Variants in PTN observed in about 807,000 individuals in gnomAD.
PTN encodes the protein pleiotrophin.
In PTN, 18 loss-of-function variants were observed where a neutral mutation model predicts 24.1. The observed-to-expected ratio is 0.75, with a 90% CI of 0.52 to 1.11. The LOEUF (loss-of-function observed/expected upper bound fraction) is 1.11, where lower values mean the gene tolerates loss of function less well. Among genes scored for constraint, PTN ranks in the 50% least tolerant of loss-of-function variants. The pLI is 0.00. For missense variants in PTN, 163 were observed against 198.8 expected (o/e 0.82, Z 1.08); for synonymous variants, 78 against 68.6 (o/e 1.14, Z -0.67).
intron 4 of PTN, among the ~76,000 whole-genome samples, chr7:137,243,459 A>G (rs1808668067): frequency 6.6e-6 from 1 of 152,154 alleles, no homozygotes. Context: ...ATCTAGCCCC[A>G]CAGGAGAGAG....
At chr7:137,262,252 T>A (rs1264506613) in intron 1 of PTN, among the ~76,000 whole-genome samples, 1 of 152,196 alleles carries the variant, frequency 6.6e-6, no homozygotes, top group Non-Finnish European at 1.5e-5. Flanking sequence ...TCATTTTATC[T>A]CAAATCCTTT....
intron 4 of PTN, among the ~76,000 whole-genome samples, chr7:137,245,383 A>G (rs1184830385): frequency 6.6e-6 from 1 of 152,208 alleles, no homozygotes; most frequent in Non-Finnish European, 1.5e-5. Flanking sequence ...AGAGCTGAGG[A>G]ATTCCTATCA....
chr7:137,253,094 G>A (rs1000722944), intron 3 of PTN, among the ~76,000 whole-genome samples: 1 of 152,264 alleles, frequency 6.6e-6, no homozygotes, highest in South Asian at 2.1e-4. Context: ...ATTATTCAGA[G>A]GAATCAAGGA....
chr7:137,254,625 T>C (rs907633901), intron 2 of PTN, among the ~76,000 whole-genome samples: 2 of 152,076 alleles, frequency 1.3e-5, no homozygotes, highest in Non-Finnish European at 1.5e-5. Flanking sequence ...GCTAATTTGA[T>C]CATTATATTA....
chr7:137,296,371 C>T (rs1209489444), intron 1 of PTN, among the ~76,000 whole-genome samples: 1 of 151,782 alleles, frequency 6.6e-6, no homozygotes, highest in Non-Finnish European at 1.5e-5. Flanking sequence ...TTCAAGTAGA[C>T]ATATTAAAAC....
intron 1 of PTN, among the ~76,000 whole-genome samples, chr7:137,284,065 G>C (rs12112313): frequency 0.079 from 11,035 of 140,514 alleles, 686 homozygotes; most frequent in African/African-American, 0.18. Context: ...CTCCCGGGTT[G>C]ACGCCATTCT....
chr7:137,248,363 A>C lies in PTN; in HGVS notation c.451+2867T>G, dbSNP rs146160770. 7.6e-4 allele frequency among the ~76,000 whole-genome samples: 116 copies of C among 152,240 alleles called. 1 individual carries two copies. The East Asian group carries it at 0.02, about 26-fold the overall frequency. ...CCCCTACAAAGATTTTATATCTGAC[A>C]CATCTCCCTGGTTCAACTCCTAAAA... On this transcript the variant is annotated intron_variant, in intron 4 of 4. Transcript: ENST00000348225.
chr7:137,250,984 G>A (rs1221486000), intron 4 of PTN, among the ~76,000 whole-genome samples: 1 of 152,148 alleles, frequency 6.6e-6, no homozygotes, highest in Non-Finnish European at 1.5e-5. Context: ...CTTTTGCTAT[G>A]TTATTTATTT....
intron 1 of PTN, among the ~76,000 whole-genome samples, chr7:137,280,338 A>G (rs988621166): frequency 6.6e-6 from 1 of 152,124 alleles, no homozygotes; most frequent in African/African-American, 2.4e-5. Context: ...GCTCTGGAAG[A>G]GAGCTCTAGT....
intron 1 of PTN, among the ~76,000 whole-genome samples, chr7:137,256,692 G>T (rs1808932058): frequency 6.6e-6 from 1 of 152,174 alleles, no homozygotes; most frequent in Non-Finnish European, 1.5e-5. Context: ...TAATGGGATG[G>T]CTGGATCAAA....
At chr7:137,305,523 A>G (rs543777072) in intron 1 of PTN, among the ~76,000 whole-genome samples, 2 of 152,228 alleles carry the variant, frequency 1.3e-5, no homozygotes, top group South Asian at 4.1e-4. Context: ...CCTCACTGAC[A>G]TATTCCAGCT....
intron 4 of PTN, among the ~76,000 whole-genome samples, chr7:137,245,359 C>G (rs974833179): frequency 3.3e-5 from 5 of 152,126 alleles, no homozygotes; most frequent in Non-Finnish European, 5.9e-5. Context: ...ACTGTGTTCC[C>G]ATTAGGGTAC....
In PTN at chr7:137,253,615, GTCAGAC is replaced by G; in HGVS notation, c.132_137del (p.Lys44_Asp46delinsAsn). On this transcript the variant is annotated inframe_deletion, in exon 3 of 5. Coordinates refer to ENST00000348225, the MANE Select transcript of PTN (RefSeq NM_002825.7). The stretch of plus-strand genomic sequence containing the variant: ...ACACACTCCACTGCCATTCTCCACA[GTCAGAC>G]TTCTTCACTTTTTTTTCTGAATGAA... 1.3e-6 allele frequency: 2 copies of G among 1,552,146 alleles called. No homozygotes were observed. The highest frequency in any genetic ancestry group is 1.7e-6 in the Non-Finnish European group (2 of 1,144,698).
At chr7:137,237,133 T>C (rs575091163) in intron 4 of PTN, among the ~76,000 whole-genome samples, 1 of 152,248 alleles carries the variant, frequency 6.6e-6, no homozygotes. Context: ...GAGAACATAT[T>C]TTAGAGATAG....
chr7:137,295,942 AGAAGGGTCACTT>A (rs1259753466), intron 1 of PTN, among the ~76,000 whole-genome samples: 1 of 151,996 alleles, frequency 6.6e-6, no homozygotes, highest in East Asian at 1.9e-4. Flanking sequence ...GAAGCAGAAA[AGAAGGGTCACTT>A]GAAGGGTCAC....
At chr7:137,279,326 T>C (rs1261050527) in intron 1 of PTN, among the ~76,000 whole-genome samples, 1 of 152,204 alleles carries the variant, frequency 6.6e-6, no homozygotes, top group African/African-American at 2.4e-5. Context: ...GGTCATCTAA[T>C]CAGTTAGAGG....
At chr7:137,300,951 C>T (rs1809796331) in intron 1 of PTN, among the ~76,000 whole-genome samples, 1 of 151,878 alleles carries the variant, frequency 6.6e-6, no homozygotes, top group African/African-American at 2.4e-5. Flanking sequence ...TTCATCCTTC[C>T]ACCTCTACCT....
At chr7:137,317,975 G>C (rs1052509895) in intron 1 of PTN, among the ~76,000 whole-genome samples, 19 of 152,118 alleles carry the variant, frequency 1.2e-4, no homozygotes, top group Admixed American at 1.1e-3. Flanking sequence ...TTCTTTACAA[G>C]AGTAATCATG....
chr7:137,275,100 T>C (rs1040050643), intron 1 of PTN, among the ~76,000 whole-genome samples: 5 of 152,206 alleles, frequency 3.3e-5, no homozygotes, highest in Admixed American at 3.3e-4. Context: ...GTAGCCCTTG[T>C]GGTTCTTTGA....
Sources: gnomAD v4.1 joint callset for allele counts (sites outside exome capture counted in the v4.1 genomes callset) on GRCh38, gnomAD v4.1.1 for gene constraint, MANE v1.5 for transcripts, NCBI Gene and HGNC (gene_info 2026-07-23, HGNC 2026-07-21) for gene names.